KCNMA1: variants seen among roughly 807,000 people sequenced by gnomAD.
KCNMA1 encodes potassium calcium-activated channel subfamily M alpha 1.
A neutral mutation model predicts 140.0 loss-of-function variants in KCNMA1; 29 were observed. The ratio of observed to expected loss-of-function variants is 0.21; its 90% CI spans 0.15 to 0.28. KCNMA1 has a LOEUF of 0.28. Ranked by LOEUF, KCNMA1 falls within the 10% of genes least tolerant of loss-of-function variation. The pLI, the probability that KCNMA1 is intolerant of heterozygous loss-of-function variation, is 1.00. For missense variants in KCNMA1, 880 were observed against 1,602.2 expected (o/e 0.55, Z 7.70); for synonymous variants, 612 against 611.9 (o/e 1.00, Z 0.00).
chr10:77,539,279 A>G (rs2059625778), intron 1 of KCNMA1, among the ~76,000 whole-genome samples: 1 of 152,218 alleles, frequency 6.6e-6, no homozygotes, highest in African/African-American at 2.4e-5. Flanking sequence ...ACAAGCAAGC[A>G]CCTAAGTCAG....
chr10:77,488,506 C>T (rs1392694000), intron 1 of KCNMA1, among the ~76,000 whole-genome samples: 1 of 152,190 alleles, frequency 6.6e-6, no homozygotes, highest in Non-Finnish European at 1.5e-5. Context: ...GAGGGAGCAG[C>T]TGAGCCAGCA....
chr10:76,999,994 G>A (rs950090631), intron 19 of KCNMA1, among the ~76,000 whole-genome samples: 3 of 152,128 alleles, frequency 2.0e-5, no homozygotes, highest in African/African-American at 7.2e-5. Flanking sequence ...CATGGATCCC[G>A]GCTACACAGC....
intron 5 of KCNMA1, among the ~76,000 whole-genome samples, chr10:77,146,899 A>G (rs908767172): frequency 6.6e-6 from 1 of 151,964 alleles, no homozygotes; most frequent in Non-Finnish European, 1.5e-5. Context: ...TCTCGGGTGT[A>G]ATGGATTGGT....
chr10:77,305,542 G>T (rs760467171), intron 2 of KCNMA1, among the ~76,000 whole-genome samples: 9 of 152,180 alleles, frequency 5.9e-5, no homozygotes, highest in Admixed American at 3.3e-4. Context: ...TCTCAGAGGG[G>T]AGCTCTCTCT....
chr10:76,886,357 C>T lies in KCNMA1; in HGVS notation c.*909G>A. The T allele has an allele frequency of 1.0e-6, 1 of 984,862 alleles. No individual in the cohort carries two copies. The highest frequency in any genetic ancestry group is 1.2e-6 in the Non-Finnish European group (1 of 829,522). 61.0% of individuals were successfully genotyped at this position (984,862 alleles called of 1,614,324 possible). A position where few individuals can be genotyped will look rare whatever the true frequency, so the allele number is the denominator to read the frequency against. ...CACCTTTTAAAAGATGTAAAAGTCC[C>T]AGGAAGGCAGTTTTTAATGACTTAC... On this transcript the variant is annotated 3_prime_UTR_variant, in exon 28 of 28. Transcript: ENST00000286628.
intron 3 of KCNMA1, among the ~76,000 whole-genome samples, chr10:77,224,779 C>G (rs1043751202): frequency 6.6e-6 from 1 of 152,156 alleles, no homozygotes; most frequent in African/African-American, 2.4e-5. Flanking sequence ...TAATCTGCAC[C>G]CTAATGTCCT....
chr10:77,427,800 A>G (rs1331590190), intron 1 of KCNMA1, among the ~76,000 whole-genome samples: 1 of 151,682 alleles, frequency 6.6e-6, no homozygotes, highest in African/African-American at 2.4e-5. Flanking sequence ...CCCAGGCTGG[A>G]GTGCAGTGGC....
intron 23 of KCNMA1, among the ~76,000 whole-genome samples, chr10:76,915,636 G>T (rs1487007392): frequency 4.6e-5 from 7 of 152,004 alleles, no homozygotes; most frequent in Admixed American, 4.6e-4. Context: ...TGTTGTTGTT[G>T]TTACCACAAC....
chr10:77,303,970 T>C (rs1371732037), intron 2 of KCNMA1, among the ~76,000 whole-genome samples: 1 of 152,244 alleles, frequency 6.6e-6, no homozygotes, highest in Admixed American at 6.5e-5. Flanking sequence ...CTATCTTTGA[T>C]ATCAGAGGTA....
At chr10:77,210,136 C>A (rs998092551) in intron 3 of KCNMA1, among the ~76,000 whole-genome samples, 4 of 152,078 alleles carry the variant, frequency 2.6e-5, no homozygotes, top group Non-Finnish European at 5.9e-5. Context: ...GGCCAATATC[C>A]CTGATGAACA....
rs201813895 is a variant in KCNMA1, at chr10:76,886,177, C to T, written c.*1089G>A. 1 of 985,396 alleles carries T rather than the reference C, an allele frequency of 1.0e-6. No homozygotes were observed. The highest frequency in any genetic ancestry group is 4.7e-5 in the South Asian group (1 of 21,292). The allele number at this position is 985,396 out of a possible 1,614,324, so 61.0% of individuals were successfully genotyped here. A position where few individuals can be genotyped will look rare whatever the true frequency, so the allele number is the denominator to read the frequency against. On this transcript the variant is annotated 3_prime_UTR_variant, in exon 28 of 28. Coordinates refer to ENST00000286628, the MANE Select transcript of KCNMA1 (RefSeq NM_001161352.2). The stretch of plus-strand genomic sequence containing the variant: ...CATGATCTGCAGCTGGGTTTGTCTT[C>T]CTCTCACTCTACCATTGCCCCAGCC...
chr10:77,052,757 C>T (rs531366596), intron 14 of KCNMA1, among the ~76,000 whole-genome samples: 1 of 152,196 alleles, frequency 6.6e-6, no homozygotes, highest in South Asian at 2.1e-4. Context: ...CAGCTACTGA[C>T]CCTAGTAATT....
At chr10:77,292,701 C>G (rs1189829615) in intron 2 of KCNMA1, among the ~76,000 whole-genome samples, 13 of 152,188 alleles carry the variant, frequency 8.5e-5, no homozygotes, top group Admixed American at 8.5e-4. Flanking sequence ...AGCCATTCCA[C>G]TCTTCTGATG....
intron 1 of KCNMA1, among the ~76,000 whole-genome samples, chr10:77,460,480 C>T (rs932753055): frequency 6.6e-6 from 1 of 151,986 alleles, no homozygotes; most frequent in Non-Finnish European, 1.5e-5. Flanking sequence ...GTGGAATCAA[C>T]CTAAGTGTCC....
chr10:77,495,972 G>A (rs941706307), intron 1 of KCNMA1, among the ~76,000 whole-genome samples: 1 of 152,180 alleles, frequency 6.6e-6, no homozygotes, highest in Admixed American at 6.5e-5. Context: ...AAGGCAGGCT[G>A]AGCCCCTCTG....
intron 15 of KCNMA1, chr10:77,039,145 T>C (rs1169394510): frequency 6.5e-6 from 2 of 309,616 alleles, no homozygotes; most frequent in Non-Finnish European, 1.2e-5. Context: ...GGAAGACAGA[T>C]TAAAATTCCT....
chr10:77,187,499 G>A (rs2098881699), intron 3 of KCNMA1, among the ~76,000 whole-genome samples: 1 of 152,192 alleles, frequency 6.6e-6, no homozygotes, highest in Admixed American at 6.5e-5. Context: ...AAAAAATTTA[G>A]AACCGATTTC....
At chr10:77,424,912 T>G (rs916229759) in intron 1 of KCNMA1, among the ~76,000 whole-genome samples, 28 of 152,382 alleles carry the variant, frequency 1.8e-4, no homozygotes, top group African/African-American at 5.8e-4. Context: ...CTGATTTATT[T>G]GTTCAATGCT....
At chr10:77,465,990 A>C (rs901458338) in intron 1 of KCNMA1, among the ~76,000 whole-genome samples, 13 of 152,172 alleles carry the variant, frequency 8.5e-5, no homozygotes, top group Admixed American at 7.2e-4. Context: ...CCATCCCAAG[A>C]AAGTGTTCCT....
Sources: allele counts gnomAD v4.1 joint callset (sites outside exome capture counted in the v4.1 genomes callset), GRCh38; gene constraint gnomAD v4.1.1; transcripts MANE v1.5; gene names NCBI Gene and HGNC (gene_info 2026-07-23, HGNC 2026-07-21).